Variants in HMCN1 observed in about 807,000 individuals in gnomAD.
The protein encoded by HMCN1 is hemicentin-1.
Under a neutral mutation model 625.9 loss-of-function variants are expected in HMCN1, and 321 were observed. The observed-to-expected ratio is 0.51, with a 90% CI of 0.47 to 0.56. The LOEUF (loss-of-function observed/expected upper bound fraction) is 0.56, where lower values mean the gene tolerates loss of function less well. Among genes scored for constraint, HMCN1 ranks in the 20% least tolerant of loss-of-function variants. The probability of loss-of-function intolerance (pLI) is 0.00; values close to 1 mark genes in which losing one functional copy is unlikely to be tolerated. For synonymous variants in HMCN1, 2,425 were observed against 2,417.6 expected, an observed-to-expected ratio of 1.00 and a Z score of -0.09; for missense variants, 6,588 against 6,887.3, an observed-to-expected ratio of 0.96 and a Z score of 1.54.
chr1:186,095,538 G>A lies in HMCN1; in HGVS notation c.10573+17G>A, dbSNP rs754393184. On this transcript the variant is annotated intron_variant, in intron 68 of 106. Coordinates refer to ENST00000271588, the MANE Select transcript of HMCN1 (RefSeq NM_031935.3). ...AGGTCCTAGGTATGTAAACATTGTGGTAAATGTAGAATAATTGGAAAGTAA... is the reference window on the plus strand; with the variant it reads ...AGGTCCTAGGTATGTAAACATTGTGATAAATGTAGAATAATTGGAAAGTAA... 5 of 1,609,436 alleles carry A rather than the reference G, an allele frequency of 3.1e-6. No homozygotes were observed. The African/African-American group carries it at 4.0e-5, about 13-fold the overall frequency.
At position 185,797,965 on chromosome 1, in the gene HMCN1, CAAAAAAAAAAAAAAAA is replaced by C. The variant is rs35031310; in HGVS notation, c.269-48045_269-48030del. ...TGGGCGACAGAGCGAGACTCCGTCT[CAAAAAAAAAAAAAAAA>C]AAAAAAAAAAAAAAAGACTTGTTTT... On this transcript the variant is annotated intron_variant, in intron 1 of 106. Coordinates refer to ENST00000271588, the MANE Select transcript of HMCN1 (RefSeq NM_031935.3). Among the ~76,000 whole-genome samples the C allele has an allele frequency of 8.1e-4, 11 of 13,660 alleles. 2 individuals are homozygous for C. Among genetic ancestry groups the C allele is most frequent in the East Asian group, 5.3e-3 (2 of 376 alleles). The allele number at this position is 13,660 out of a possible 152,430, so 9.0% of individuals were successfully genotyped here.
intron 77 of HMCN1, among the ~76,000 whole-genome samples, chr1:186,118,304 AGAG>A (rs1661232085): frequency 6.6e-6 from 1 of 152,182 alleles, no homozygotes; most frequent in African/African-American, 2.4e-5. Context: ...TATTATTCTA[AGAG>A]AATTTGTGTA....
chr1:186,117,139 T>C lies in HMCN1; in HGVS notation c.11683+24T>C, dbSNP rs114730425. On this transcript the variant is annotated intron_variant, in intron 76 of 106. Transcript: ENST00000271588. Reference sequence around the variant, plus strand: ...AGGTAGAATTGGCTTGGAACATGGATTGAAACATGATAATGCTATCACTTC... The same window carrying C: ...AGGTAGAATTGGCTTGGAACATGGACTGAAACATGATAATGCTATCACTTC... 10 of 1,612,476 alleles carry C rather than the reference T, an allele frequency of 6.2e-6. No individual in the cohort carries two copies. In the African/African-American group the frequency reaches 9.3e-5, roughly 15 times the overall value.
chr1:186,160,984 TTC>T (rs1651425481), intron 97 of HMCN1, among the ~76,000 whole-genome samples: 1 of 152,122 alleles, frequency 6.6e-6, no homozygotes, highest in African/African-American at 2.4e-5. Flanking sequence ...CTTGTTGACT[TTC>T]TGTCTCGTTG....
intron 68 of HMCN1, among the ~76,000 whole-genome samples, chr1:186,101,381 G>GA (rs562193954): frequency 3.2e-4 from 49 of 152,092 alleles, no homozygotes; most frequent in Admixed American, 2.6e-3. Flanking sequence ...GAAAATACTG[G>GA]AAAAAAACAA....
intron 1 of HMCN1, among the ~76,000 whole-genome samples, chr1:185,739,060 G>A (rs1355915557): frequency 1.3e-5 from 2 of 152,184 alleles, no homozygotes; most frequent in East Asian, 1.9e-4. Flanking sequence ...TCTGTTTGCC[G>A]CTTTGTGTAC....
chr1:185,849,930 G>A (rs1388242164), intron 2 of HMCN1, among the ~76,000 whole-genome samples: 1 of 151,136 alleles, frequency 6.6e-6, no homozygotes, highest in African/African-American at 2.4e-5. Context: ...CCTCAATATA[G>A]CAAAAATTCT....
chr1:186,138,600 A>G (rs2102538796), intron 89 of HMCN1, among the ~76,000 whole-genome samples: 1 of 152,258 alleles, frequency 6.6e-6, no homozygotes, highest in East Asian at 1.9e-4. Flanking sequence ...CTTTGGCTTT[A>G]TTCTCTATTA....
chr1:186,048,640 T>C, intron 41 of HMCN1, 103 bp from the exon 42 acceptor site: 2 of 755,414 alleles, frequency 2.6e-6, no homozygotes, highest in South Asian at 3.0e-5. Context: ...TATATGTATG[T>C]GAATCTTCAG....
Position 186,015,301 on chromosome 1 carries a change from C to T in HMCN1, c.4773C>T (p.Ser1591=), listed in dbSNP as rs970879614. ...WYKDGQPIMS[S]SQALYIDKGQ... is the part of the protein sequence containing the mutation. ...AGGACGGGCAGCCAATCATGTCCAG[C>T]TCACAAGCACTTTATATTGATAAAG... Residue 1591 remains serine, a synonymous_variant, in exon 31 of 107, where the codon AGC becomes AGT. Transcript: ENST00000271588. The T allele has an allele frequency of 6.2e-6, 10 of 1,613,674 alleles. No homozygotes were observed. In the African/African-American group the frequency reaches 1.1e-4, roughly 17 times the overall value.
chr1:185,926,906 T>A (rs76853708), intron 9 of HMCN1, among the ~76,000 whole-genome samples: 292 of 152,324 alleles, frequency 1.9e-3, no homozygotes, highest in African/African-American at 5.6e-3. Flanking sequence ...AAAACTTTTT[T>A]AATTATGTCC....
In HMCN1 at chr1:185,987,192, A is replaced by C. The variant is rs147810281; in HGVS notation, c.2936-240A>C. 1.3e-3 allele frequency among the ~76,000 whole-genome samples: 202 copies of C among 151,364 alleles called. 2 individuals carry two copies. Among genetic ancestry groups the C allele is most frequent in the African/African-American group, 4.7e-3 (195 of 41,384 alleles). On this transcript the variant is annotated intron_variant, in intron 19 of 106. Transcript: ENST00000271588. ...TTATTTTTGTTAGGAAAGTCAGCTT[A>C]TTAGACATAACTTACTACTTGATTT...
rs557887846 is a variant in HMCN1, at chr1:186,110,977, CTTTT to C, written c.10990-1817_10990-1814del. 5.5e-4 allele frequency among the ~76,000 whole-genome samples: 34 copies of C among 61,636 alleles called. 1 individual carries two copies. Among genetic ancestry groups the C allele is most frequent in the South Asian group, 2.4e-3 (4 of 1,646 alleles). The allele number at this position is 61,636 out of a possible 152,430, so 40.4% of individuals were successfully genotyped here. A position where few individuals can be genotyped will look rare whatever the true frequency, so the allele number is the denominator to read the frequency against. The stretch of plus-strand genomic sequence containing the variant: ...TACGGAAGAAAAACCAGAGAAAATT[CTTTT>C]TTTTTTTTTTTTTTTTTGAGACGGA... On this transcript the variant is annotated intron_variant, in intron 71 of 106. Transcript: ENST00000271588.
At chr1:185,813,854 C>G (rs1160146747) in intron 1 of HMCN1, among the ~76,000 whole-genome samples, 4 of 152,090 alleles carry the variant, frequency 2.6e-5, no homozygotes, top group Admixed American at 6.6e-5. Flanking sequence ...ACAAAATACA[C>G]ACACCAGAAA....
chr1:185,734,811 T>C lies in HMCN1; in HGVS notation c.32T>C (p.Phe11Ser), dbSNP rs758634864. MISWEVVHTV[F>S]LFALLYSSLA... is the part of the protein sequence containing the mutation. ...TCCTGGGAAGTTGTCCATACAGTAT[T>C]CCTGTTTGCTCTTCTTTATTCTTCC... The change falls in exon 1 of 107, where the codon TTC becomes TCC. Residue 11 changes from phenylalanine (F) to serine (S), a missense_variant. Coordinates refer to ENST00000271588, the MANE Select transcript of HMCN1 (RefSeq NM_031935.3). 6.2e-7 allele frequency: 1 copy of C among 1,614,082 alleles called. No individual in the cohort carries two copies.
At chr1:185,928,811 A>G in intron 10 of HMCN1, 144 bp downstream of exon 10, 1 of 888,338 alleles carries the variant, frequency 1.1e-6, no homozygotes, top group Non-Finnish European at 1.8e-6. Context: ...GAGAACTCAA[A>G]TCCTGTGCTC....
At position 185,958,992 on chromosome 1, in the gene HMCN1, G is replaced by C. The variant is rs118061617; in HGVS notation, c.1829-3526G>C. Among the ~76,000 whole-genome samples, 265 of 152,266 alleles carry C rather than the reference G, an allele frequency of 1.7e-3. 9 individuals carry two copies. The East Asian group carries it at 0.047, about 27-fold the overall frequency. On this transcript the variant is annotated intron_variant, in intron 11 of 106. Coordinates refer to ENST00000271588, the MANE Select transcript of HMCN1 (RefSeq NM_031935.3). ...TTACATAATATACTTTATAGTGTCT[G>C]TGAGATCTTTGAAGGCATAAAGTGT...
chr1:185,886,738 G>A (rs1664677665), intron 4 of HMCN1, among the ~76,000 whole-genome samples: 1 of 152,012 alleles, frequency 6.6e-6, no homozygotes, highest in Non-Finnish European at 1.5e-5. Flanking sequence ...CACCTGGATT[G>A]CTGCAATAAT....
intron 11 of HMCN1, among the ~76,000 whole-genome samples, chr1:185,949,540 A>C (rs575212903): frequency 6.6e-6 from 1 of 152,024 alleles, no homozygotes; most frequent in South Asian, 2.1e-4. Context: ...TTGAAGACGG[A>C]GGACCGTAAG....
Sources: gnomAD v4.1 joint callset for allele counts (sites outside exome capture counted in the v4.1 genomes callset) on GRCh38, gnomAD v4.1.1 for gene constraint, MANE v1.5 for transcripts, NCBI Gene and HGNC (gene_info 2026-07-23, HGNC 2026-07-21) for gene names.